CR1L: variants seen among roughly 807,000 people sequenced by gnomAD.
CR1L encodes complement C3b/C4b receptor 1 like.
Under a neutral mutation model 62.3 loss-of-function variants are expected in CR1L, and 59 were observed. That is an observed-to-expected ratio of 0.95 (90% CI 0.77 to 1.18). CR1L has a LOEUF of 1.18. Ranked by LOEUF, CR1L falls within the 50% of genes most tolerant of loss-of-function variation. The pLI is 0.00. For synonymous variants in CR1L, 279 were observed against 248.7 expected (o/e 1.12, Z -1.15); for missense variants, 700 against 702.8 (o/e 1.00, Z 0.04).
rs960754292 is a variant in CR1L, at chr1:207,715,204, T to C, written c.1415-2260T>C. On this transcript the variant is annotated intron_variant, in intron 10 of 11. Transcript: ENST00000508064. Reference sequence around the variant, plus strand: ...AGACCTGAACCTAAGACCCAAATGATAGTCAAGGAGGAAATGGTAGTGAGG... The same window carrying C: ...AGACCTGAACCTAAGACCCAAATGACAGTCAAGGAGGAAATGGTAGTGAGG... 24 of 640,812 alleles carry C rather than the reference T, an allele frequency of 3.7e-5. No individual in the cohort carries two copies. In the African/African-American group the frequency reaches 4.4e-4, roughly 12 times the overall value. 39.7% of individuals were successfully genotyped at this position (640,812 alleles called of 1,614,324 possible). A position where few individuals can be genotyped will look rare whatever the true frequency, so the allele number is the denominator to read the frequency against.
At chr1:207,690,252 T>C (rs1006089917) in intron 4 of CR1L, among the ~76,000 whole-genome samples, 1 of 152,196 alleles carries the variant, frequency 6.6e-6, no homozygotes, top group African/African-American at 2.4e-5. Context: ...TCTCTAAAAC[T>C]ATTTTACTTC....
At position 207,648,084 on chromosome 1, in the gene CR1L, G is replaced by T. The variant is rs140749178; in HGVS notation, c.97+2754G>T. On this transcript the variant is annotated intron_variant, in intron 1 of 11. Coordinates refer to ENST00000508064, the MANE Select transcript of CR1L (RefSeq NM_175710.2). ...GAGGCTGAAGGGCGTGAAGGGGGAG[G>T]ATCACTGGAGCCCCCATGGTCAAGG... 2.4e-3 allele frequency among the ~76,000 whole-genome samples: 361 copies of T among 151,530 alleles called. 2 individuals carry two copies. The highest frequency in any genetic ancestry group is 8.4e-3 in the African/African-American group (346 of 41,264).
At chr1:207,651,302 G>A (rs1026045328) in intron 1 of CR1L, among the ~76,000 whole-genome samples, 2 of 150,786 alleles carry the variant, frequency 1.3e-5, no homozygotes, top group African/African-American at 4.9e-5. Context: ...AAAGTCCTCT[G>A]AAAACGTATT....
In CR1L at chr1:207,652,186, G is replaced by A. The variant is rs550876524; in HGVS notation, c.97+6856G>A. On this transcript the variant is annotated intron_variant, in intron 1 of 11. Coordinates refer to ENST00000508064, the MANE Select transcript of CR1L (RefSeq NM_175710.2). The stretch of plus-strand genomic sequence containing the variant: ...ACTATGGAAGAACAATCTGAGCAGA[G>A]TGCTCTATACTGTAGATGACTTCTT... Among the ~76,000 whole-genome samples the A allele has an allele frequency of 1.6e-4, 24 of 152,322 alleles. No homozygotes were observed. In the South Asian group the frequency reaches 5.0e-3, roughly 32 times the overall value.
rs114626298 is a variant in CR1L at position 207,677,593 on chromosome 1, C to T, written c.277+25C>T. The T allele has an allele frequency of 2.5e-3, 3,946 of 1,601,624 alleles. 50 individuals are homozygous for T. In the African/African-American group the frequency reaches 0.027, roughly 11 times the overall value. On this transcript the variant is annotated intron_variant, in intron 2 of 11. Coordinates refer to ENST00000508064, the MANE Select transcript of CR1L (RefSeq NM_175710.2). The stretch of plus-strand genomic sequence containing the variant: ...CGTAAGTAACTCTGGAGTGGGAACC[C>T]CTCTGTTAGTCAAACATCTGTAAGA...
intron 3 of CR1L, among the ~76,000 whole-genome samples, chr1:207,680,512 G>T (rs1355701810): frequency 2.6e-5 from 4 of 151,944 alleles, no homozygotes; most frequent in Non-Finnish European, 4.4e-5. Flanking sequence ...CCCTACAACT[G>T]CATGGGAATC....
In CR1L at chr1:207,678,186, T is replaced by C; in HGVS notation, c.278-12T>C. The C allele has an allele frequency of 6.2e-7, 1 of 1,612,982 alleles. No homozygotes were observed. Among genetic ancestry groups the C allele is most frequent in the South Asian group, 1.1e-5 (1 of 91,016 alleles). On this transcript the variant is annotated splice_polypyrimidine_tract_variant and intron_variant, in intron 2 of 11. Transcript: ENST00000508064. ...CTCTACTTGGCTTCAAATTTCTGTTTCTTTCCTGTAGGTAAATCATGTCGT... is the reference window on the plus strand; with the variant it reads ...CTCTACTTGGCTTCAAATTTCTGTTCCTTTCCTGTAGGTAAATCATGTCGT...
chr1:207,694,662 G>C lies in CR1L; in HGVS notation c.773G>C (p.Cys258Ser). 1 of 1,611,886 alleles carries C rather than the reference G, an allele frequency of 6.2e-7. No individual in the cohort carries two copies. The highest frequency in any genetic ancestry group is 2.2e-5 in the East Asian group (1 of 44,886). ...TTAAATGAAGTTGTGGAGTTTAGGT[G>C]TCAGCCTGGCTTTGGCATGAAAGGG... ...FSLNEVVEFR[C>S]QPGFGMKGPS... Residue 258 changes from cysteine to serine, a missense_variant, in exon 5 of 12, where the codon TGT (cysteine) becomes TCT (serine). By Grantham distance (112) the Cys-to-Ser change is moderately radical (BLOSUM62 -1). Transcript: ENST00000508064.
chr1:207,713,959 C>T (rs1653907296), intron 10 of CR1L, among the ~76,000 whole-genome samples: 2 of 152,192 alleles, frequency 1.3e-5, no homozygotes, highest in South Asian at 4.1e-4. Flanking sequence ...CTGGTGCTTC[C>T]TGTTGCATGG....
chr1:207,682,413 AG>A (rs1461965684), intron 3 of CR1L, among the ~76,000 whole-genome samples: 1 of 152,142 alleles, frequency 6.6e-6, no homozygotes, highest in African/African-American at 2.4e-5. Flanking sequence ...TGGAGGTTGC[AG>A]TGACATTGCA....
rs532220708 is a variant in CR1L, at chr1:207,677,548, G to A, written c.257G>A (p.Ser86Asn). Residue 86 changes from serine (S) to asparagine (N), a missense_variant, in exon 2 of 12, where the codon AGT becomes AAT. By Grantham distance (46) the Ser-to-Asn change is conservative. Coordinates refer to ENST00000508064, the MANE Select transcript of CR1L (RefSeq NM_175710.2). ...TGCCTAAAAAACTCAGTCTGGACAA[G>A]TGCTAAGGACAAGTGCAAACGTAAG... ...IICLKNSVWTSAKDKCKRKSC... is the reference protein window; with the variant it reads ...IICLKNSVWTNAKDKCKRKSC... 3 of 1,613,812 alleles carry A rather than the reference G, an allele frequency of 1.9e-6. No individual in the cohort carries two copies. In the East Asian group the frequency reaches 6.7e-5, roughly 36 times the overall value.
intron 1 of CR1L, among the ~76,000 whole-genome samples, chr1:207,663,029 G>A (rs182958887): frequency 3.9e-4 from 60 of 152,244 alleles, no homozygotes; most frequent in Admixed American, 1.1e-3. Context: ...AGGAGTACCC[G>A]CTGTGTGAGG....
At chr1:207,684,057 C>T (rs1340033133) in intron 4 of CR1L, 100 bp downstream of exon 4, 4 of 1,086,102 alleles carry the variant, frequency 3.7e-6, no homozygotes, top group Admixed American at 2.1e-5. Flanking sequence ...GCAATCTGTA[C>T]TTCACATGGC....
intron 10 of CR1L, among the ~76,000 whole-genome samples, 187 bp downstream of exon 10, chr1:207,708,450 T>C (rs1664304678): frequency 6.6e-6 from 1 of 152,252 alleles, no homozygotes; most frequent in African/African-American, 2.4e-5. Flanking sequence ...ATGCTTTTTT[T>C]CTTATCTTAA....
intron 10 of CR1L, among the ~76,000 whole-genome samples, chr1:207,714,571 A>G (rs1309671655): frequency 3.3e-5 from 5 of 152,078 alleles, no homozygotes; most frequent in African/African-American, 4.8e-5. Flanking sequence ...ATGTGTATCC[A>G]TTATTCTTGG....
intron 3 of CR1L, among the ~76,000 whole-genome samples, chr1:207,680,313 A>G (rs1464408195): frequency 6.6e-6 from 1 of 152,270 alleles, no homozygotes; most frequent in Non-Finnish European, 1.5e-5. Context: ...ACATAAAAGT[A>G]AATACACAGG....
intron 1 of CR1L, among the ~76,000 whole-genome samples, chr1:207,674,784 A>C (rs188499378): frequency 2.6e-5 from 4 of 152,270 alleles, no homozygotes; most frequent in Non-Finnish European, 5.9e-5. Flanking sequence ...GACACATATC[A>C]AAATTGTATT....
At position 207,668,875 on chromosome 1, in the gene CR1L, T is replaced by C. The variant is rs148802745; in HGVS notation, c.98-8514T>C. On this transcript the variant is annotated intron_variant, in intron 1 of 11. Coordinates refer to ENST00000508064, the MANE Select transcript of CR1L (RefSeq NM_175710.2). ...TTGCTTTAATCTAGTCTCCATACTA[T>C]ACACAGATTTACATTTTTTGAATAT... Among the ~76,000 whole-genome samples, 969 of 151,122 alleles carry C rather than the reference T, an allele frequency of 6.4e-3. 67 individuals are homozygous for C. Among genetic ancestry groups the C allele is most frequent in the African/African-American group, 0.023 (912 of 40,410 alleles).
chr1:207,650,788 ATT>A (rs59483254), intron 1 of CR1L, among the ~76,000 whole-genome samples: 57,120 of 146,512 alleles, frequency 0.39, 10,978 homozygotes, highest in African/African-American at 0.41. Context: ...TGCAGTGTAG[ATT>A]TTTTTTTTTT....
Sources: gnomAD v4.1 joint callset for allele counts (sites outside exome capture counted in the v4.1 genomes callset) on GRCh38, gnomAD v4.1.1 for gene constraint, MANE v1.5 for transcripts, NCBI Gene and HGNC (gene_info 2026-07-23, HGNC 2026-07-21) for gene names.